RIN3: variants seen among roughly 807,000 people sequenced by gnomAD.
RIN3 encodes the protein Ras and Rab interactor 3, also known as RAB5 interacting protein 3.
A neutral mutation model predicts 76.3 loss-of-function variants in RIN3; 54 were observed. The ratio of observed to expected loss-of-function variants is 0.71; its 90% CI spans 0.57 to 0.89. The LOEUF (loss-of-function observed/expected upper bound fraction) is 0.89, where lower values mean the gene tolerates loss of function less well. RIN3 is among the 40% of genes least tolerant of loss of function. RIN3 has a pLI of 0.00. For missense variants in RIN3, 1,256 were observed against 1,322.1 expected (o/e 0.95, Z 0.78); for synonymous variants, 576 against 564.0 (o/e 1.02, Z -0.30).
At chr14:92,624,973 C>T (rs1328031089) in intron 4 of RIN3, among the ~76,000 whole-genome samples, 1 of 152,126 alleles carries the variant, frequency 6.6e-6, no homozygotes, top group Non-Finnish European at 1.5e-5. Flanking sequence ...TTCTTTCCAG[C>T]TCTTATTGAG....
At chr14:92,519,859 G>A (rs1267070507) in intron 1 of RIN3, among the ~76,000 whole-genome samples, 2 of 152,194 alleles carry the variant, frequency 1.3e-5, no homozygotes, top group East Asian at 1.9e-4. Flanking sequence ...TCAGCCTGGC[G>A]TCCACAGGGC....
At chr14:92,550,357 C>G (rs1467295127) in intron 1 of RIN3, among the ~76,000 whole-genome samples, 1 of 152,142 alleles carries the variant, frequency 6.6e-6, no homozygotes, top group Non-Finnish European at 1.5e-5. Context: ...CAGTAACCCT[C>G]TTAAATAAAG....
At chr14:92,537,235 G>A (rs1008095558) in intron 1 of RIN3, among the ~76,000 whole-genome samples, 28 of 152,158 alleles carry the variant, frequency 1.8e-4, no homozygotes, top group Non-Finnish European at 2.1e-4. Context: ...TTAGTGACTG[G>A]GTTGTTTCAT....
At chr14:92,672,758 T>C (rs1888330143) in intron 7 of RIN3, among the ~76,000 whole-genome samples, 1 of 152,074 alleles carries the variant, frequency 6.6e-6, no homozygotes, top group Non-Finnish European at 1.5e-5. Flanking sequence ...CTAAAACTAC[T>C]CCAATTCCAA....
rs527650447 is a variant in RIN3, at chr14:92,629,332, G to A, written c.441-11906G>A. ...GAACAAAGAATTAGACAAAACGCAC[G>A]AGCAAAACAAGGAAGGAATGAAGGG... On this transcript the variant is annotated intron_variant, in intron 4 of 9. Transcript: ENST00000216487. Among the ~76,000 whole-genome samples, 192 of 152,298 alleles carry A rather than the reference G, an allele frequency of 1.3e-3. 1 individual carries two copies. The highest frequency in any genetic ancestry group is 4.3e-3 in the South Asian group (21 of 4,830).
chr14:92,579,129 T>C (rs923566214), intron 3 of RIN3, among the ~76,000 whole-genome samples: 1 of 152,100 alleles, frequency 6.6e-6, no homozygotes, highest in Non-Finnish European at 1.5e-5. Context: ...AGTTTCTCCA[T>C]GTTGGTCAGG....
At chr14:92,639,619 C>T (rs919898421) in intron 4 of RIN3, among the ~76,000 whole-genome samples, 1 of 152,192 alleles carries the variant, frequency 6.6e-6, no homozygotes, top group Non-Finnish European at 1.5e-5. Context: ...TGTGAAACAG[C>T]CCTAGGCCAA....
At chr14:92,562,589 G>A (rs899211245) in intron 2 of RIN3, among the ~76,000 whole-genome samples, 33 of 152,188 alleles carry the variant, frequency 2.2e-4, no homozygotes, top group Admixed American at 2.0e-3. Flanking sequence ...TAATTATTTT[G>A]TTGCTCAAAG....
intron 7 of RIN3, among the ~76,000 whole-genome samples, chr14:92,674,251 A>G (rs942063): frequency 0.3 from 45,240 of 152,036 alleles, 7,416 homozygotes; most frequent in Non-Finnish European, 0.36. Context: ...TTGGAGACTC[A>G]GCCTTCACAC....
In RIN3 at chr14:92,666,245, G is replaced by A; in HGVS notation, c.2335+6776G>A. On this transcript the variant is annotated intron_variant, in intron 7 of 9. Coordinates refer to ENST00000216487, the MANE Select transcript of RIN3 (RefSeq NM_024832.5). ...GATGTGGTACCTTCATGGCCCGCTT[G>A]AAAGGGGAATAAAATAGGGCGGGCC... is the stretch of plus-strand genomic sequence containing the variant. 1.3e-5 allele frequency among the ~76,000 whole-genome samples: 2 copies of A among 152,218 alleles called. 1 individual carries two copies. Among genetic ancestry groups the A allele is most frequent in the Non-Finnish European group, 2.9e-5 (2 of 68,032 alleles).
At chr14:92,535,233 G>A (rs1231193479) in intron 1 of RIN3, among the ~76,000 whole-genome samples, 2 of 151,982 alleles carry the variant, frequency 1.3e-5, no homozygotes, top group Non-Finnish European at 2.9e-5. Flanking sequence ...CCTTATCGGT[G>A]TGTACACTGT....
chr14:92,541,850 T>C (rs537840239), intron 1 of RIN3, among the ~76,000 whole-genome samples: 18 of 152,294 alleles, frequency 1.2e-4, no homozygotes, highest in African/African-American at 3.6e-4. Context: ...GTGCAGTCCA[T>C]AGAATGGGAG....
Position 92,688,246 on chromosome 14 carries a change from C to A in RIN3, c.2952C>A (p.Phe984Leu), listed in dbSNP as rs1162036335. The A allele has an allele frequency of 6.3e-7, 1 of 1,583,552 alleles. No homozygotes were observed. The highest frequency in any genetic ancestry group is 8.6e-7 in the Non-Finnish European group (1 of 1,166,544). ...GCCTGGTGGTGCGGGAGCCCAACTT[C>A]CTGTGAGGCCCTCCCGGGGCGCCTC... Reference protein sequence around the residue: ...PPCLVVREPNFL With the variant: ...PPCLVVREPNLL Residue 984 changes from phenylalanine (F) to leucine (L), a missense_variant, in exon 10 of 10, where the codon TTC (phenylalanine) becomes TTA (leucine). Physicochemically the swap from Phe to Leu is conservative, Grantham distance 22. Around this residue, in one of 3 missense-constraint regions of RIN3, gnomAD observed 218 missense variants for 174.5 expected, o/e 1.25. Coordinates refer to ENST00000216487, the MANE Select transcript of RIN3 (RefSeq NM_024832.5).
intron 3 of RIN3, among the ~76,000 whole-genome samples, chr14:92,588,991 T>C (rs1037740484): frequency 2.0e-5 from 3 of 152,206 alleles, no homozygotes; most frequent in Non-Finnish European, 4.4e-5. Flanking sequence ...AGCGGGAACC[T>C]GTTCTATGTA....
At chr14:92,674,297 G>C (rs1183089258) in intron 7 of RIN3, among the ~76,000 whole-genome samples, 1 of 152,198 alleles carries the variant, frequency 6.6e-6, no homozygotes, top group African/African-American at 2.4e-5. Context: ...AGTTGCCCAG[G>C]AGGGTCACTT....
chr14:92,657,732 C>T (rs200260144), intron 6 of RIN3, among the ~76,000 whole-genome samples: 66 of 152,240 alleles, frequency 4.3e-4, no homozygotes, highest in Admixed American at 9.8e-4. Flanking sequence ...GGGAGGTGGG[C>T]GTGGAAGGAG....
At chr14:92,517,995 A>G (rs1300136974) in intron 1 of RIN3, among the ~76,000 whole-genome samples, 1 of 152,174 alleles carries the variant, frequency 6.6e-6, no homozygotes, top group Non-Finnish European at 1.5e-5. Context: ...AAGCCAGTGT[A>G]CAGCTTCACA....
chr14:92,589,350 T>C (rs1276584816), intron 3 of RIN3, among the ~76,000 whole-genome samples: 1 of 152,160 alleles, frequency 6.6e-6, no homozygotes, highest in Non-Finnish European at 1.5e-5. Flanking sequence ...TGTTTCATAT[T>C]GTCGCATCTT....
chr14:92,669,167 G>C (rs1009791698), intron 7 of RIN3, among the ~76,000 whole-genome samples: 1 of 152,214 alleles, frequency 6.6e-6, no homozygotes. Context: ...ACCAGGTACC[G>C]CTGAGATGTC....
Sources: allele counts gnomAD v4.1 joint callset (sites outside exome capture counted in the v4.1 genomes callset), GRCh38; gene constraint gnomAD v4.1.1; regional missense constraint gnomAD v4.1.1; transcripts MANE v1.5; gene names NCBI Gene and HGNC (gene_info 2026-07-23, HGNC 2026-07-21).